WASF3: variants seen among roughly 807,000 people sequenced by gnomAD.
WASF3 encodes actin-binding protein WASF3.
A neutral mutation model predicts 46.6 loss-of-function variants in WASF3; 11 were observed. The observed-to-expected ratio is 0.24, with a 90% CI of 0.15 to 0.39. The LOEUF is 0.39. Among genes scored for constraint, WASF3 ranks in the 10% least tolerant of loss-of-function variants. WASF3 has a pLI of 1.00. For synonymous variants in WASF3, 242 were observed against 259.7 expected (o/e 0.93, Z 0.65); for missense variants, 576 against 669.8 (o/e 0.86, Z 1.55).
In WASF3 at chr13:26,679,967, A is replaced by C; in HGVS notation, c.717-1087A>C. ...AAAGCTACCAACTGGAATCCCAAAGATGGAAATGCAGCGTGCATCTTCCCT... is the reference window on the plus strand; with the variant it reads ...AAAGCTACCAACTGGAATCCCAAAGCTGGAAATGCAGCGTGCATCTTCCCT... On this transcript the variant is annotated intron_variant, in intron 7 of 9. Transcript: ENST00000335327. This position sits in a 1 kb window ranked among gnomAD's most constrained non-coding sequence, Gnocchi z 4.8. The C allele has an allele frequency of 6.5e-7, 1 of 1,537,712 alleles. No individual in the cohort carries two copies. Among genetic ancestry groups the C allele is most frequent in the Non-Finnish European group, 8.7e-7 (1 of 1,147,784 alleles).
chr13:26,570,283 C>T (rs537150278), intron 1 of WASF3, among the ~76,000 whole-genome samples: 6 of 152,072 alleles, frequency 3.9e-5, no homozygotes, highest in South Asian at 2.1e-4. Flanking sequence ...AGCAAAACTG[C>T]GTCTCAAAAA....
At chr13:26,563,791 CTTT>C (rs1195780410) in intron 1 of WASF3, among the ~76,000 whole-genome samples, 1 of 143,464 alleles carries the variant, frequency 7.0e-6, no homozygotes, top group Non-Finnish European at 1.5e-5. Context: ...GCTCTTCTGA[CTTT>C]TTTTTTTTTT....
chr13:26,543,229 T>C, the WASF3 span, among the ~76,000 whole-genome samples: 1 of 152,168 alleles, frequency 6.6e-6, no homozygotes, highest in East Asian at 1.9e-4. Context: ...TTCCTGCTTT[T>C]CTTTTTGGCT....
At chr13:26,636,431 G>A (rs535233986) in intron 2 of WASF3, among the ~76,000 whole-genome samples, 1 of 152,346 alleles carries the variant, frequency 6.6e-6, no homozygotes, top group African/African-American at 2.4e-5. Context: ...TTCCCTTGAC[G>A]AGGAAAGGGA....
chr13:26,647,676 G>A (rs1261583593), intron 3 of WASF3, among the ~76,000 whole-genome samples: 1 of 150,816 alleles, frequency 6.6e-6, no homozygotes, highest in Non-Finnish European at 1.5e-5. Flanking sequence ...CTTTGTTCTT[G>A]TGATAATAGC....
chr13:26,626,498 A>G (rs541585788), intron 2 of WASF3, among the ~76,000 whole-genome samples: 4 of 152,342 alleles, frequency 2.6e-5, no homozygotes, highest in African/African-American at 9.6e-5. Flanking sequence ...TGGCCAAGCA[A>G]AGAATCTTTG....
chr13:26,630,324 A>G (rs7986184), intron 2 of WASF3, among the ~76,000 whole-genome samples: 81,154 of 151,616 alleles, frequency 0.54, 22,054 homozygotes, highest in Non-Finnish European at 0.57. Context: ...CCCAACCCCC[A>G]ACAGGCCCTG....
At chr13:26,563,770 C>G (rs568253595) in intron 1 of WASF3, among the ~76,000 whole-genome samples, 3 of 144,148 alleles carry the variant, frequency 2.1e-5, no homozygotes, top group Admixed American at 6.9e-5. Flanking sequence ...TGCCTCTTCT[C>G]TGGGAGATTA....
At chr13:26,577,439 A>G in intron 1 of WASF3, 1 of 810,220 alleles carries the variant, frequency 1.2e-6, no homozygotes, top group South Asian at 1.3e-5. Context: ...AGAAGTGGTC[A>G]ATAAATTGAT....
intron 6 of WASF3, 42 bp from the exon 7 acceptor site, chr13:26,676,507 C>G (rs372171649): frequency 2.5e-6 from 4 of 1,595,026 alleles, no homozygotes; most frequent in Non-Finnish European, 3.4e-6. Flanking sequence ...TTTTCCTTTC[C>G]CTTCTGTCTT....
chr13:26,615,514 G>T (rs1443120573), intron 2 of WASF3, among the ~76,000 whole-genome samples: 2 of 151,914 alleles, frequency 1.3e-5, no homozygotes, highest in Non-Finnish European at 2.9e-5. Context: ...TCACCATGTT[G>T]GCCAGGATGG....
chr13:26,677,535 C>CT (rs1220946653), intron 7 of WASF3, among the ~76,000 whole-genome samples: 1 of 152,130 alleles, frequency 6.6e-6, no homozygotes, highest in Non-Finnish European at 1.5e-5. Flanking sequence ...TATCTGTGCC[C>CT]TTTTTTTCTA....
At chr13:26,539,341 G>A in the WASF3 span, among the ~76,000 whole-genome samples, 1 of 152,106 alleles carries the variant, frequency 6.6e-6, no homozygotes, top group Non-Finnish European at 1.5e-5. Flanking sequence ...GGATCCGGTG[G>A]AAAAATGAGA....
At chr13:26,656,022 C>T (rs1359197514) in intron 3 of WASF3, among the ~76,000 whole-genome samples, 1 of 152,088 alleles carries the variant, frequency 6.6e-6, no homozygotes, top group Admixed American at 6.5e-5. Context: ...CTTGTCAAAC[C>T]AAGATCTAGG....
At chr13:26,565,031 T>A (rs1879419490) in intron 1 of WASF3, among the ~76,000 whole-genome samples, 1 of 149,470 alleles carries the variant, frequency 6.7e-6, no homozygotes, top group African/African-American at 2.5e-5. Context: ...AATGTTAGAA[T>A]TAATGTTTGG....
At position 26,682,958 on chromosome 13, in the gene WASF3, C is replaced by T. The variant is rs758680931; in HGVS notation, c.1335C>T (p.Leu445=). 1.6e-5 allele frequency: 25 copies of T among 1,604,164 alleles called. No individual in the cohort carries two copies. Among genetic ancestry groups the T allele is most frequent in the African/African-American group, 4.0e-5 (3 of 75,020 alleles). ...TCAGTGATGCTCGAAGCGACCTCCT[C>T]GCTGCTATTCGAATGGGTAAGTGGA... ...PPISDARSDL[L]AAIRMGIQLK... The change falls in exon 9 of 10, where the codon CTC becomes CTT. Residue 445 remains leucine (L), a synonymous_variant. Transcript: ENST00000335327. The surrounding 1 kb of genome is among the most constrained non-coding windows in gnomAD (Gnocchi z 4.4).
Position 26,642,302 on chromosome 13 carries a change from GGCACTTGTGCCGGGGA to G in WASF3, c.35_50del (p.His12LeufsTer13). On this transcript the variant is annotated frameshift_variant, in exon 3 of 10. Coordinates refer to ENST00000335327, the MANE Select transcript of WASF3 (RefSeq NM_006646.6). LOFTEE classifies it high-confidence loss of function. ...TTAGTGAAGAGGAACATTGAGCCCC[GGCACTTGTGCCGGGGA>G]GCTCTGCCTGAAGGGATTACCAGCG... is the stretch of plus-strand genomic sequence containing the variant. 6.3e-7 allele frequency: 1 copy of G among 1,594,966 alleles called. No homozygotes were observed.
chr13:26,565,165 G>A (rs1185272694), intron 1 of WASF3, among the ~76,000 whole-genome samples: 3 of 140,116 alleles, frequency 2.1e-5, no homozygotes, highest in African/African-American at 8.1e-5. Context: ...GGGCAAAAGA[G>A]TGAGACTCGG....
At chr13:26,669,505 G>GA (rs201659663) in intron 5 of WASF3, among the ~76,000 whole-genome samples, 1 of 90,310 alleles carries the variant, frequency 1.1e-5, no homozygotes, top group Non-Finnish European at 2.1e-5. Flanking sequence ...CAAAGTGACT[G>GA]AAAAAAAAAT....
Sources: gnomAD v4.1 joint callset for allele counts (sites outside exome capture counted in the v4.1 genomes callset) on GRCh38, gnomAD v4.1.1 for gene constraint, Gnocchi (gnomAD v3.1) non-coding constraint, MANE v1.5 for transcripts, NCBI Gene and HGNC (gene_info 2026-07-23, HGNC 2026-07-21) for gene names.